The following FOXP1 variants were observed in gnomAD, a reference collection of about 807,000 sequenced individuals.
FOXP1 encodes forkhead box P1, also known as forkhead box protein P1.
FOXP1 carries 15 observed loss-of-function variants against 98.2 expected under a neutral mutation model. The ratio of observed to expected loss-of-function variants is 0.15; its 90% confidence interval spans 0.10 to 0.24. The LOEUF is 0.24. Among genes scored for constraint, FOXP1 ranks in the 10% least tolerant of loss-of-function variants. The pLI, the probability that FOXP1 is intolerant of heterozygous loss-of-function variation, is 1.00. For missense variants in FOXP1, 633 were observed against 848.5 expected, an observed-to-expected ratio of 0.75 and a Z score of 3.15; for synonymous variants, 371 against 314.5, an observed-to-expected ratio of 1.18 and a Z score of -1.90.
intron 5 of FOXP1, chr3:71,276,206 A>G (rs1487446601): frequency 6.6e-6 from 1 of 152,188 alleles, no homozygotes; most frequent in African/African-American, 2.4e-5. Context: ...TCTAAGCTAT[A>G]GGGTTACTTT....
At chr3:71,309,921 A>C (rs981986729) in intron 4 of FOXP1, among the ~76,000 whole-genome samples, 1 of 150,992 alleles carries the variant, frequency 6.6e-6, no homozygotes, top group African/African-American at 2.5e-5. Flanking sequence ...TGTGGACATA[A>C]AAAAAAATCC....
intron 4 of FOXP1, among the ~76,000 whole-genome samples, chr3:71,355,774 G>T (rs982542703): frequency 6.6e-6 from 1 of 152,104 alleles, no homozygotes; most frequent in Non-Finnish European, 1.5e-5. Flanking sequence ...GTGATATGGT[G>T]TCAATGTTAA....
At chr3:71,168,193 C>T (rs1159987645) in intron 6 of FOXP1, among the ~76,000 whole-genome samples, 1 of 151,908 alleles carries the variant, frequency 6.6e-6, no homozygotes, top group Non-Finnish European at 1.5e-5. Context: ...CAACTCTATG[C>T]AAAATGTGAA....
chr3:71,496,859 C>G (rs1384305768), intron 2 of FOXP1, among the ~76,000 whole-genome samples: 1 of 151,890 alleles, frequency 6.6e-6, no homozygotes, highest in Non-Finnish European at 1.5e-5. Flanking sequence ...AAACAATGCT[C>G]TATGTGTATG....
intron 4 of FOXP1, among the ~76,000 whole-genome samples, chr3:71,337,089 T>G (rs1457278455): frequency 6.6e-6 from 1 of 152,086 alleles, no homozygotes; most frequent in Non-Finnish European, 1.5e-5. Context: ...AGGATGCACA[T>G]GTAGGTGATC....
rs538236111 is a variant in FOXP1 at position 71,043,153 on chromosome 3, A to T, written c.665-1621T>A. ...ATGTTCAAATGCTCAAGCATTTGCA[A>T]TTAATATATATTATAAAGGAGGCTT... is the stretch of plus-strand genomic sequence containing the variant. On this transcript the variant is annotated intron_variant, in intron 10 of 20. Coordinates refer to ENST00000649528, the MANE Select transcript of FOXP1 (RefSeq NM_001349338.3). Among the ~76,000 whole-genome samples the T allele has an allele frequency of 1.5e-4, 23 of 152,322 alleles. No individual in the cohort carries two copies. The South Asian group carries it at 4.6e-3, about 30-fold the overall frequency.
At chr3:71,580,006 T>C (rs2048033572) in intron 2 of FOXP1, among the ~76,000 whole-genome samples, 1 of 152,142 alleles carries the variant, frequency 6.6e-6, no homozygotes, top group African/African-American at 2.4e-5. Flanking sequence ...CAATGGTCCA[T>C]TTCTGCATAA....
chr3:71,198,756 A>G lies in FOXP1; in HGVS notation c.-11-364T>C, dbSNP rs957255719. 4.6e-5 allele frequency among the ~76,000 whole-genome samples: 7 copies of G among 151,724 alleles called. No homozygotes were observed. The East Asian group carries it at 1.2e-3, about 25-fold the overall frequency. ...CGCCCAGGCTGGAGTGCAGCGGTGC[A>G]ATCTCGGCTCACTGCAACCTCCACC... On this transcript the variant is annotated intron_variant, in intron 5 of 20. Transcript: ENST00000649528.
At chr3:71,265,917 C>A (rs556998266) in intron 5 of FOXP1, among the ~76,000 whole-genome samples, 1 of 152,218 alleles carries the variant, frequency 6.6e-6, no homozygotes, top group Non-Finnish European at 1.5e-5. Context: ...AACAAGGATG[C>A]CAAAAGTTGA....
intron 1 of FOXP1, chr3:71,582,241 A>G: frequency 9.1e-6 from 9 of 985,354 alleles, no homozygotes; most frequent in Non-Finnish European, 1.1e-5. Context: ...CGAGGGCCAA[A>G]AAGAAGAAGG....
intron 4 of FOXP1, among the ~76,000 whole-genome samples, chr3:71,344,658 G>A (rs1024390880): frequency 3.9e-5 from 6 of 151,906 alleles, no homozygotes; most frequent in East Asian, 1.9e-4. Context: ...CCAACATGGC[G>A]AAACCCCCTG....
At chr3:71,355,097 C>A (rs1239003231) in intron 4 of FOXP1, among the ~76,000 whole-genome samples, 3 of 152,148 alleles carry the variant, frequency 2.0e-5, no homozygotes, top group Non-Finnish European at 4.4e-5. Context: ...CCAGAGAAAA[C>A]CCAAGGGCAG....
chr3:71,250,322 G>A (rs765618380), intron 5 of FOXP1, among the ~76,000 whole-genome samples: 4 of 152,220 alleles, frequency 2.6e-5, no homozygotes, highest in Non-Finnish European at 2.9e-5. Flanking sequence ...TGTGACAACG[G>A]AAATGTTCTA....
intron 3 of FOXP1, among the ~76,000 whole-genome samples, chr3:71,405,903 T>C (rs1371704445): frequency 6.6e-6 from 1 of 151,978 alleles, no homozygotes; most frequent in Non-Finnish European, 1.5e-5. Context: ...TAATTTTTTA[T>C]ATTTTTAGTA....
At position 71,536,573 on chromosome 3, in the gene FOXP1, CTTT is replaced by C. The variant is rs3039465; in HGVS notation, c.-297-43021_-297-43019del. On this transcript the variant is annotated intron_variant, in intron 2 of 20. Coordinates refer to ENST00000649528, the MANE Select transcript of FOXP1 (RefSeq NM_001349338.3). ...ACTTAAACACTTCTAAACCATGTCT[CTTT>C]TTTTTTTTTTTTTTTGGTAGTTGTT... Among the ~76,000 whole-genome samples, 312 of 134,960 alleles carry C rather than the reference CTTT, an allele frequency of 2.3e-3. 1 individual carries two copies. Among genetic ancestry groups the C allele is most frequent in the African/African-American group, 3.2e-3 (119 of 36,716 alleles). 88.5% of individuals were successfully genotyped at this position (134,960 alleles called of 152,430 possible). A position where few individuals can be genotyped will look rare whatever the true frequency, so the allele number is the denominator to read the frequency against.
intron 4 of FOXP1, among the ~76,000 whole-genome samples, chr3:71,331,196 G>A (rs2076274990): frequency 6.6e-6 from 1 of 152,254 alleles, no homozygotes; most frequent in Non-Finnish European, 1.5e-5. Context: ...GAGTTCTGGG[G>A]TGAGTGGGCT....
At chr3:70,997,419 T>C (rs570944550) in intron 13 of FOXP1, among the ~76,000 whole-genome samples, 1 of 152,356 alleles carries the variant, frequency 6.6e-6, no homozygotes, top group South Asian at 2.1e-4. Flanking sequence ...CGAGTATAAC[T>C]GTACTGTGTC....
At chr3:71,470,304 T>TA (rs2089206694) in intron 3 of FOXP1, among the ~76,000 whole-genome samples, 3 of 152,184 alleles carry the variant, frequency 2.0e-5, no homozygotes, top group Non-Finnish European at 4.4e-5. Context: ...GTTATACAGA[T>TA]AAAATCAGTT....
At chr3:71,092,263 C>G (rs528562456) in intron 7 of FOXP1, among the ~76,000 whole-genome samples, 1 of 149,896 alleles carries the variant, frequency 6.7e-6, no homozygotes, top group Non-Finnish European at 1.5e-5. Context: ...CCCAGCTACT[C>G]GGGAGGCTGA....
Sources: gnomAD v4.1 joint callset for allele counts (sites outside exome capture counted in the v4.1 genomes callset) on GRCh38, gnomAD v4.1.1 for gene constraint, MANE v1.5 for transcripts, NCBI Gene and HGNC (gene_info 2026-07-23, HGNC 2026-07-21) for gene names.